Variants in KDM7A observed in about 807,000 individuals in gnomAD.
KDM7A encodes the protein lysine demethylase 7A.
A neutral mutation model predicts 114.8 loss-of-function variants in KDM7A; 28 were observed. That is an observed-to-expected ratio of 0.24 (90% CI 0.18 to 0.33). The LOEUF (loss-of-function observed/expected upper bound fraction) is 0.33. KDM7A is among the 10% of genes least tolerant of loss of function. KDM7A has a pLI of 1.00. For synonymous variants in KDM7A, 423 were observed against 397.8 expected (o/e 1.06, Z -0.75); for missense variants, 942 against 1,142.5 (o/e 0.82, Z 2.53).
chr7:140,098,119 T>A (rs555232566), intron 14 of KDM7A, among the ~76,000 whole-genome samples: 160 of 152,366 alleles, frequency 1.1e-3, no homozygotes, highest in African/African-American at 3.6e-3. Context: ...TTTGATGGAT[T>A]CCTGTTGATT....
At chr7:140,099,426 G>T (rs1818166601) in intron 13 of KDM7A, among the ~76,000 whole-genome samples, 1 of 152,058 alleles carries the variant, frequency 6.6e-6, no homozygotes, top group African/African-American at 2.4e-5. Context: ...TAAACTCCTG[G>T]TCTCAAGAGA....
chr7:140,174,685 C>T (rs1432002888), intron 1 of KDM7A, among the ~76,000 whole-genome samples: 3 of 152,132 alleles, frequency 2.0e-5, no homozygotes, highest in Non-Finnish European at 4.4e-5. Context: ...ACTGCAACCT[C>T]CGCTTCCCGG....
At chr7:140,139,048 G>T in intron 2 of KDM7A, 57 bp downstream of exon 2, 2 of 1,112,442 alleles carry the variant, frequency 1.8e-6, no homozygotes, top group Non-Finnish European at 2.7e-6. Context: ...GTACATGTAA[G>T]TTTGAAATGT....
chr7:140,176,794 C>A lies in KDM7A; in HGVS notation c.144G>T (p.Val48=). 7.0e-7 allele frequency: 1 copy of A among 1,421,846 alleles called. No individual in the cohort carries two copies. Among genetic ancestry groups the A allele is most frequent in the Non-Finnish European group, 9.4e-7 (1 of 1,066,468 alleles). 88.1% of individuals were successfully genotyped at this position (1,421,846 alleles called of 1,614,324 possible). The change falls in exon 1 of 20, where the codon GTG becomes GTT. Residue 48 remains valine, a synonymous_variant. Transcript: ENST00000397560. This position sits in a 1 kb window ranked among gnomAD's most constrained non-coding sequence, Gnocchi z 4.4. ...TATCGCACTCGATCATGAAGCGGTTCACGTCGTACGGCTGCCGGCACACAC... is the reference window on the plus strand; with the variant it reads ...TATCGCACTCGATCATGAAGCGGTTAACGTCGTACGGCTGCCGGCACACAC... ...VYCVCRQPYD[V]NRFMIECDIC...
intron 3 of KDM7A, among the ~76,000 whole-genome samples, chr7:140,132,323 G>T (rs1818801298): frequency 6.6e-6 from 1 of 152,056 alleles, no homozygotes; most frequent in South Asian, 2.1e-4. Context: ...GTGGTCACTG[G>T]CAGGCAGTAA....
chr7:140,099,064 T>C (rs1818160189), intron 13 of KDM7A, 31 bp from the exon 14 acceptor site: 3 of 1,566,414 alleles, frequency 1.9e-6, no homozygotes, highest in South Asian at 1.1e-5. Context: ...AATCAGAATA[T>C]AGTGCAAGAC....
intron 9 of KDM7A, among the ~76,000 whole-genome samples, chr7:140,115,847 CAAG>C (rs1360551184): frequency 9.1e-6 from 1 of 109,410 alleles, no homozygotes; most frequent in Non-Finnish European, 1.9e-5. Flanking sequence ...ATTAATAGTA[CAAG>C]AAAAGTAAAA....
chr7:140,129,141 T>C (rs933302847), intron 4 of KDM7A, among the ~76,000 whole-genome samples: 1 of 152,236 alleles, frequency 6.6e-6, no homozygotes, highest in Non-Finnish European at 1.5e-5. Flanking sequence ...ATTTTGCACC[T>C]GTATTCTACA....
chr7:140,159,296 G>A (rs1261386289), intron 1 of KDM7A, among the ~76,000 whole-genome samples: 2 of 152,142 alleles, frequency 1.3e-5, no homozygotes, highest in Admixed American at 6.5e-5. Context: ...GCAGTGAGCC[G>A]AGTTCATGCC....
chr7:140,112,340 T>G (rs1379666717), intron 10 of KDM7A, among the ~76,000 whole-genome samples: 3 of 152,230 alleles, frequency 2.0e-5, no homozygotes, highest in African/African-American at 7.2e-5. Context: ...CCAGGCACAG[T>G]GGCTCATGAC....
At chr7:140,164,959 C>A (rs949762735) in intron 1 of KDM7A, among the ~76,000 whole-genome samples, 1 of 152,182 alleles carries the variant, frequency 6.6e-6, no homozygotes, top group Non-Finnish European at 1.5e-5. Context: ...TGGCAACATT[C>A]GGTTGAATGA....
chr7:140,106,138 C>G (rs1405664163), intron 11 of KDM7A, among the ~76,000 whole-genome samples: 2 of 151,924 alleles, frequency 1.3e-5, no homozygotes, highest in South Asian at 4.2e-4. Flanking sequence ...TGGTGATATC[C>G]CCTTTATCAT....
At chr7:140,150,546 G>C (rs764283319) in intron 1 of KDM7A, among the ~76,000 whole-genome samples, 1 of 152,168 alleles carries the variant, frequency 6.6e-6, no homozygotes, top group Non-Finnish European at 1.5e-5. Context: ...AGCCAGGTGC[G>C]TAACAGTTTG....
intron 2 of KDM7A, among the ~76,000 whole-genome samples, chr7:140,134,444 G>C (rs1818837032): frequency 6.6e-6 from 1 of 152,168 alleles, no homozygotes; most frequent in African/African-American, 2.4e-5. Context: ...CCTTCACAAA[G>C]GGGAGATGGG....
chr7:140,123,692 A>G (rs1225984845), intron 7 of KDM7A, among the ~76,000 whole-genome samples: 2 of 152,212 alleles, frequency 1.3e-5, no homozygotes, highest in Non-Finnish European at 2.9e-5. Context: ...GGACTTTTGC[A>G]TTAGGGATGC....
chr7:140,111,267 G>C (rs1291732482), intron 10 of KDM7A, 83 bp from the exon 11 acceptor site: 2 of 856,426 alleles, frequency 2.3e-6, no homozygotes, highest in Admixed American at 4.5e-5. Context: ...ACCAATTTTT[G>C]GATTCTCTAA....
At chr7:140,125,177 T>C (rs1818679711) in intron 6 of KDM7A, among the ~76,000 whole-genome samples, 1 of 152,216 alleles carries the variant, frequency 6.6e-6, no homozygotes, top group African/African-American at 2.4e-5. Flanking sequence ...TTTAAAAACC[T>C]ATAAATAAGC....
At chr7:140,164,592 A>C (rs1794554360) in intron 1 of KDM7A, among the ~76,000 whole-genome samples, 1 of 152,222 alleles carries the variant, frequency 6.6e-6, no homozygotes, top group Non-Finnish European at 1.5e-5. Context: ...GATTCAAACA[A>C]ATAGTGAAAA....
chr7:140,135,673 A>ATCTT (rs1417945627), intron 2 of KDM7A, among the ~76,000 whole-genome samples: 1 of 152,150 alleles, frequency 6.6e-6, no homozygotes, highest in African/African-American at 2.4e-5. Flanking sequence ...TTCATTCTGA[A>ATCTT]TCTTTCTTCA....
Sources: gnomAD v4.1 joint callset for allele counts (sites outside exome capture counted in the v4.1 genomes callset) on GRCh38, gnomAD v4.1.1 for gene constraint, Gnocchi (gnomAD v3.1) non-coding constraint, MANE v1.5 for transcripts, NCBI Gene and HGNC (gene_info 2026-07-23, HGNC 2026-07-21) for gene names.